The following ZMYM1 variants were observed in gnomAD, a reference collection of about 807,000 sequenced individuals.
ZMYM1 encodes zinc finger MYM-type containing 1, also known as zinc finger MYM-type protein 1.
A neutral mutation model predicts 60.0 loss-of-function variants in ZMYM1; 39 were observed. That is an observed-to-expected ratio of 0.65 (90% CI 0.50 to 0.85). The LOEUF is 0.85. ZMYM1 is among the 40% of genes least tolerant of loss of function. The pLI, the probability that ZMYM1 is intolerant of heterozygous loss-of-function variation, is 0.00. For missense variants in ZMYM1, 1,171 were observed against 1,309.5 expected, an observed-to-expected ratio of 0.89 and a Z score of 1.63; for synonymous variants, 413 against 454.0, an observed-to-expected ratio of 0.91 and a Z score of 1.15.
intron 1 of ZMYM1, among the ~76,000 whole-genome samples, chr1:35,082,505 A>G (rs889532888): frequency 1.3e-5 from 2 of 150,780 alleles, no homozygotes; most frequent in African/African-American, 4.9e-5. Context: ...TAATTTTTGT[A>G]TTTTTGGTAG....
intron 1 of ZMYM1, among the ~76,000 whole-genome samples, chr1:35,070,315 G>A (rs1218774075): frequency 6.6e-6 from 1 of 152,038 alleles, no homozygotes; most frequent in Non-Finnish European, 1.5e-5. Flanking sequence ...CCTTAATTAA[G>A]TTGGTTCCTA....
intron 4 of ZMYM1, among the ~76,000 whole-genome samples, chr1:35,099,048 AATT>A (rs1465160879): frequency 6.6e-6 from 1 of 152,222 alleles, no homozygotes; most frequent in Non-Finnish European, 1.5e-5. Context: ...TGTACAAAAG[AATT>A]ATGAGCATTA....
upstream of ZMYM1, among the ~76,000 whole-genome samples, chr1:35,077,122 T>C (rs1368197770): frequency 6.6e-6 from 1 of 152,018 alleles, no homozygotes; most frequent in East Asian, 1.9e-4. Context: ...AATTTTCAGA[T>C]CTATCACTGG....
In ZMYM1 at chr1:35,113,874, TTTG is replaced by T. The variant is rs1557721066; in HGVS notation, c.2048_2050del (p.Val683del). On this transcript the variant is annotated inframe_deletion, in exon 10 of 10. Transcript: ENST00000359858. The stretch of plus-strand genomic sequence containing the variant: ...CTTAATTAAGGAAAGATTCTTGGGT[TTTG>T]TTGATACTGAGGAGATGACTGGGAC... 6.2e-7 allele frequency: 1 copy of T among 1,613,758 alleles called. No individual in the cohort carries two copies. The highest frequency in any genetic ancestry group is 1.1e-5 in the South Asian group (1 of 91,016).
rs946512745 is a variant in ZMYM1, at chr1:35,114,281, A to G, written c.2451A>G (p.Leu817=). The G allele has an allele frequency of 3.7e-6, 6 of 1,613,842 alleles. No homozygotes were observed. In the South Asian group the frequency reaches 6.6e-5, roughly 18 times the overall value. Residue 817 remains leucine, a synonymous_variant, in exon 10 of 10, where the codon CTA becomes CTG. Coordinates refer to ENST00000359858, the MANE Select transcript of ZMYM1 (RefSeq NM_024772.5). The part of the protein sequence containing the change: ...SCWTVHDRTL[L]SVIDSLPEII... ...GGACAGTCCATGATCGTACATTACT[A>G]TCTGTGATTGACAGTCTTCCAGAGA...
intron 1 of ZMYM1, among the ~76,000 whole-genome samples, chr1:35,064,020 A>C (rs1203560277): frequency 3.9e-5 from 6 of 152,136 alleles, no homozygotes; most frequent in African/African-American, 1.4e-4. Context: ...TGTAATCTGC[A>C]TGGATTTAAA....
intron 1 of ZMYM1, among the ~76,000 whole-genome samples, chr1:35,063,549 C>T (rs1641913034): frequency 6.6e-6 from 1 of 152,078 alleles, no homozygotes; most frequent in Admixed American, 6.6e-5. Flanking sequence ...GCAGTCCTTC[C>T]ACCACAGCCT....
rs116262421 is a variant in ZMYM1 at position 35,065,465 on chromosome 1, T to G, written c.-301+5540T>G. Reference sequence around the variant, plus strand: ...AGTTAATTGACGTTTATGTTATTGGTAAGGCTTCTGGTCAACAGTAGGCTG... The same window carrying G: ...AGTTAATTGACGTTTATGTTATTGGGAAGGCTTCTGGTCAACAGTAGGCTG... On this transcript the variant is annotated intron_variant, in intron 1 of 10. Coordinates refer to the ZMYM1 transcript ENST00000417119. Among the ~76,000 whole-genome samples, 193 of 152,018 alleles carry G rather than the reference T, an allele frequency of 1.3e-3. 2 individuals carry two copies. Among genetic ancestry groups the G allele is most frequent in the Non-Finnish European group, 2.4e-3 (160 of 67,988 alleles).
chr1:35,069,623 C>T (rs139901431), intron 1 of ZMYM1, among the ~76,000 whole-genome samples: 340 of 152,070 alleles, frequency 2.2e-3, no homozygotes, highest in African/African-American at 8.0e-3. Flanking sequence ...TTTTTGTTGC[C>T]TGTGCTTTTG....
intron 1 of ZMYM1, among the ~76,000 whole-genome samples, chr1:35,080,311 C>CTGCT (rs1642310893): frequency 6.9e-6 from 1 of 145,930 alleles, no homozygotes; most frequent in African/African-American, 2.6e-5. Flanking sequence ...TATATTTGTG[C>CTGCT]TTCTTTTTTT....
Position 35,115,387 on chromosome 1 carries a change from A to C in ZMYM1, c.*128A>C. The C allele has an allele frequency of 8.8e-7, 1 of 1,135,982 alleles. No homozygotes were observed. Among genetic ancestry groups the C allele is most frequent in the Non-Finnish European group, 1.2e-6 (1 of 835,168 alleles). The allele number at this position is 1,135,982 out of a possible 1,614,324, so 70.4% of individuals were successfully genotyped here. A position where few individuals can be genotyped will look rare whatever the true frequency, so the allele number is the denominator to read the frequency against. The stretch of plus-strand genomic sequence containing the variant: ...AGTCTCCTTCCCTCCTTTAGAACTC[A>C]TTTTCTCTTCCCAAAAAGTGTTATC... On this transcript the variant is annotated 3_prime_UTR_variant, in exon 10 of 10. Transcript: ENST00000359858.
In ZMYM1 at chr1:35,095,806, T is replaced by G. The variant is rs41266441; in HGVS notation, c.97-13T>G. 13 of 1,552,806 alleles carry G rather than the reference T, an allele frequency of 8.4e-6. No individual in the cohort carries two copies. The highest frequency in any genetic ancestry group is 1.1e-5 in the Non-Finnish European group (13 of 1,146,200). On this transcript the variant is annotated splice_polypyrimidine_tract_variant and intron_variant, in intron 2 of 9. Coordinates refer to ENST00000359858, the MANE Select transcript of ZMYM1 (RefSeq NM_024772.5). Reference sequence around the variant, plus strand: ...TTCACTATTTTTAATTATTATTTTTTTTTTCTTTTTAGGAGTATTGTCATA... The same window carrying G: ...TTCACTATTTTTAATTATTATTTTTGTTTTCTTTTTAGGAGTATTGTCATA...
At chr1:35,094,230 T>A in intron 2 of ZMYM1, 147 bp downstream of exon 2, 1 of 573,978 alleles carries the variant, frequency 1.7e-6, no homozygotes, top group African/African-American at 1.9e-5. Context: ...TATATGGTGT[T>A]AAGTGCCACT....
Position 35,093,900 on chromosome 1 carries a change from A to G in ZMYM1, c.-74-14A>G. On this transcript the variant is annotated splice_polypyrimidine_tract_variant and intron_variant, in intron 1 of 9. Transcript: ENST00000359858. ...AATTTTAAAATCAAACTCTTTATCA[A>G]TATTTTATTTTAGGAATCTGGAAAC... The G allele has an allele frequency of 1.1e-6, 1 of 904,008 alleles. No homozygotes were observed. The highest frequency in any genetic ancestry group is 1.7e-6 in the Non-Finnish European group (1 of 605,626). 56.0% of individuals were successfully genotyped at this position (904,008 alleles called of 1,614,324 possible). A position where few individuals can be genotyped will look rare whatever the true frequency, so the allele number is the denominator to read the frequency against.
chr1:35,088,428 TTA>T (rs1642778837), intron 1 of ZMYM1, among the ~76,000 whole-genome samples: 1 of 58,248 alleles, frequency 1.7e-5, no homozygotes, highest in African/African-American at 4.6e-5. Flanking sequence ...AAAAATGTGT[TTA>T]TGTGTATATA....
At chr1:35,117,441 T>C (rs1273232496), downstream of ZMYM1, among the ~76,000 whole-genome samples, 1 of 152,022 alleles carries the variant, frequency 6.6e-6, no homozygotes, top group Non-Finnish European at 1.5e-5. Flanking sequence ...TGCCTCAGCT[T>C]CCCAAGTATA....
intron 4 of ZMYM1, among the ~76,000 whole-genome samples, chr1:35,102,838 A>G (rs2148540082): frequency 6.6e-6 from 1 of 152,336 alleles, no homozygotes; most frequent in African/African-American, 2.4e-5. Flanking sequence ...CTGTGTTGTC[A>G]CACGGAATTT....
chr1:35,087,741 T>G (rs995155865), intron 1 of ZMYM1, among the ~76,000 whole-genome samples: 2 of 152,094 alleles, frequency 1.3e-5, no homozygotes, highest in African/African-American at 2.4e-5. Context: ...AAACTTGCAG[T>G]TTCTTTGTGA....
In ZMYM1 at chr1:35,113,658, G is replaced by C; in HGVS notation, c.1828G>C (p.Asp610His). The C allele has an allele frequency of 1.2e-6, 2 of 1,612,528 alleles. No individual in the cohort carries two copies. Among genetic ancestry groups the C allele is most frequent in the Non-Finnish European group, 1.7e-6 (2 of 1,179,564 alleles). The change falls in exon 10 of 10, where the codon GAC becomes CAC. Residue 610 changes from aspartate to histidine, a missense_variant. Asp to His is a moderately conservative substitution (Grantham distance 81, BLOSUM62 -1). Transcript: ENST00000359858. The part of the protein sequence containing the change: ...ETFRLMNSQV[D>H]FYNSTQIQSD... Reference sequence around the variant, plus strand: ...ATTTCGACTTATGAATTCACAAGTTGACTTCTATAACAGTACACAAATTCA... The same window carrying C: ...ATTTCGACTTATGAATTCACAAGTTCACTTCTATAACAGTACACAAATTCA...
Sources: allele counts gnomAD v4.1 joint callset (sites outside exome capture counted in the v4.1 genomes callset), GRCh38; gene constraint gnomAD v4.1.1; transcripts MANE v1.5; gene names NCBI Gene and HGNC (gene_info 2026-07-23, HGNC 2026-07-21).